The following KIAA1549L variants were observed in gnomAD, a reference collection of about 807,000 sequenced individuals.
KIAA1549L encodes the protein UPF0606 protein KIAA1549L.
In KIAA1549L, 88 loss-of-function variants were observed where a neutral mutation model predicts 160.7. That is an observed-to-expected ratio of 0.55 (90% confidence interval 0.46 to 0.65). The LOEUF (loss-of-function observed/expected upper bound fraction) is 0.65. KIAA1549L is among the 30% of genes least tolerant of loss of function. The pLI, the probability that KIAA1549L is intolerant of heterozygous loss-of-function variation, is 0.00. For missense variants in KIAA1549L, 2,258 were observed against 2,437.5 expected (o/e 0.93, Z 1.55); for synonymous variants, 950 against 976.7 (o/e 0.97, Z 0.51).
At chr11:33,513,911 T>G (rs1159804143) in intron 1 of KIAA1549L, among the ~76,000 whole-genome samples, 1 of 152,190 alleles carries the variant, frequency 6.6e-6, no homozygotes. Context: ...GACCCTCTAC[T>G]GTCTGAAAAT....
chr11:33,609,986 C>G lies in KIAA1549L; in HGVS notation c.5279+20C>G, dbSNP rs757311972. On this transcript the variant is annotated intron_variant, in intron 15 of 20. Coordinates refer to ENST00000658780, the MANE Select transcript of KIAA1549L (RefSeq NM_012194.3). ...AAACAGGTGCAGTCTCTAAGGGATT[C>G]TGTAAAGGGTGCTGTATCATTGGTG... 2 of 1,588,374 alleles carry G rather than the reference C, an allele frequency of 1.3e-6. No homozygotes were observed. The highest frequency in any genetic ancestry group is 1.7e-6 in the Non-Finnish European group (2 of 1,157,332).
chr11:33,525,723 A>G (rs1853595435), intron 1 of KIAA1549L, among the ~76,000 whole-genome samples: 1 of 151,972 alleles, frequency 6.6e-6, no homozygotes, highest in Non-Finnish European at 1.5e-5. Context: ...TGTCTGGGGC[A>G]AGATTTCAGC....
intron 6 of KIAA1549L, among the ~76,000 whole-genome samples, chr11:33,552,912 C>T (rs997832775): frequency 4.6e-5 from 7 of 152,104 alleles, no homozygotes; most frequent in South Asian, 2.1e-4. Context: ...ACCATACTCA[C>T]GTCAATGCAG....
At chr11:33,389,865 G>A (rs1382691942) in intron 1 of KIAA1549L, among the ~76,000 whole-genome samples, 1 of 152,206 alleles carries the variant, frequency 6.6e-6, no homozygotes, top group Non-Finnish European at 1.5e-5. Context: ...CATTGGTCCA[G>A]GGATTTGCAC....
chr11:33,617,204 A>G (rs1850835797), intron 15 of KIAA1549L, among the ~76,000 whole-genome samples: 1 of 151,922 alleles, frequency 6.6e-6, no homozygotes, highest in African/African-American at 2.4e-5. Flanking sequence ...CAAGTTAATC[A>G]CAGGGAGACT....
intron 6 of KIAA1549L, among the ~76,000 whole-genome samples, chr11:33,556,281 A>G (rs940888149): frequency 6.6e-6 from 1 of 152,218 alleles, no homozygotes. Context: ...TAGAATTACC[A>G]TATGGTTCAG....
chr11:33,619,646 C>T (rs1030049564), intron 16 of KIAA1549L, among the ~76,000 whole-genome samples: 2 of 152,052 alleles, frequency 1.3e-5, no homozygotes, highest in African/African-American at 4.8e-5. Context: ...TTCTAATCAC[C>T]TTCCTTATAT....
chr11:33,394,445 G>T lies in KIAA1549L; in HGVS notation c.238+17556G>T, dbSNP rs146479381. Among the ~76,000 whole-genome samples the T allele has an allele frequency of 5.3e-5, 8 of 151,680 alleles. No homozygotes were observed. The South Asian group carries it at 1.0e-3, about 20-fold the overall frequency. ...AACAAACAATAAACAATAAACACTT[G>T]TCAAACAAAATGAAACATCACTTAA... On this transcript the variant is annotated intron_variant, in intron 1 of 20. Transcript: ENST00000658780.
chr11:33,450,140 C>T (rs1395042696), intron 1 of KIAA1549L, among the ~76,000 whole-genome samples: 1 of 152,160 alleles, frequency 6.6e-6, no homozygotes, highest in Non-Finnish European at 1.5e-5. Context: ...TAGTTATAAC[C>T]TCAAATACTT....
At chr11:33,525,934 G>A (rs901307228) in intron 1 of KIAA1549L, among the ~76,000 whole-genome samples, 3 of 151,896 alleles carry the variant, frequency 2.0e-5, no homozygotes, top group Admixed American at 1.3e-4. Context: ...AGAACCACCC[G>A]CACCGCTGCC....
At position 33,496,904 on chromosome 11, in the gene KIAA1549L, A is replaced by G. The variant is rs117281423; in HGVS notation, c.239-44898A>G. Among the ~76,000 whole-genome samples the G allele has an allele frequency of 1.7e-3, 255 of 152,242 alleles. 6 individuals carry two copies. The East Asian group carries it at 0.044, about 26-fold the overall frequency. On this transcript the variant is annotated intron_variant, in intron 1 of 20. Coordinates refer to ENST00000658780, the MANE Select transcript of KIAA1549L (RefSeq NM_012194.3). ...TCCCTTTGCAAATCATGTTCCAGCCACAGTAACTTTCTTTTGGTTTCTTAA... is the reference window on the plus strand; with the variant it reads ...TCCCTTTGCAAATCATGTTCCAGCCGCAGTAACTTTCTTTTGGTTTCTTAA...
chr11:33,605,662 A>G (rs1179253488), intron 13 of KIAA1549L, among the ~76,000 whole-genome samples: 1 of 152,210 alleles, frequency 6.6e-6, no homozygotes, highest in Non-Finnish European at 1.5e-5. Flanking sequence ...TTTAAATAAC[A>G]TCCCAATCTC....
At chr11:33,607,802 C>A (rs1166503936) in intron 14 of KIAA1549L, among the ~76,000 whole-genome samples, 1 of 152,188 alleles carries the variant, frequency 6.6e-6, no homozygotes, top group Non-Finnish European at 1.5e-5. Flanking sequence ...ACAAACCCAA[C>A]TCAGGAAGCA....
Position 33,658,730 on chromosome 11 carries a change from A to G in KIAA1549L, c.5859-20A>G, listed in dbSNP as rs964148572. The G allele has an allele frequency of 6.4e-7, 1 of 1,565,742 alleles. No individual in the cohort carries two copies. The highest frequency in any genetic ancestry group is 8.7e-7 in the Non-Finnish European group (1 of 1,156,054). On this transcript the variant is annotated intron_variant, in intron 18 of 20. Coordinates refer to ENST00000658780, the MANE Select transcript of KIAA1549L (RefSeq NM_012194.3). ...CTGAGGTCTGGGACAGTGCTAACGC[A>G]GTCCCTCTGCCCCATCTAGATCCAC...
intron 1 of KIAA1549L, among the ~76,000 whole-genome samples, chr11:33,394,390 A>T (rs997329937): frequency 1.6e-4 from 15 of 91,140 alleles, no homozygotes; most frequent in African/African-American, 7.5e-4. Flanking sequence ...TAACTCATAA[A>T]TAATAAATAA....
chr11:33,666,832 G>T (rs1455552238), intron 20 of KIAA1549L, among the ~76,000 whole-genome samples: 1 of 152,204 alleles, frequency 6.6e-6, no homozygotes, highest in Non-Finnish European at 1.5e-5. Flanking sequence ...TTGGTAGCTT[G>T]TCGCCTTAGA....
chr11:33,528,631 A>G (rs762473776), intron 1 of KIAA1549L, among the ~76,000 whole-genome samples: 2 of 152,246 alleles, frequency 1.3e-5, no homozygotes, highest in Non-Finnish European at 2.9e-5. Flanking sequence ...GATATACACC[A>G]TGGAATACCA....
chr11:33,604,254 C>T (rs1473730439), intron 13 of KIAA1549L, among the ~76,000 whole-genome samples: 1 of 152,140 alleles, frequency 6.6e-6, no homozygotes, highest in Non-Finnish European at 1.5e-5. Context: ...AGGTCATAGT[C>T]AAGATGTTGG....
rs906610815 is a variant in KIAA1549L, at chr11:33,671,135, A to G, written c.*2981A>G. ...AATAGTTTTCAGTGCTGGTTTTGATATGAGTTTTCTGCATTCATGAAAAAG... is the reference window on the plus strand; with the variant it reads ...AATAGTTTTCAGTGCTGGTTTTGATGTGAGTTTTCTGCATTCATGAAAAAG... On this transcript the variant is annotated 3_prime_UTR_variant, in exon 21 of 21. Coordinates refer to ENST00000658780, the MANE Select transcript of KIAA1549L (RefSeq NM_012194.3). 1.3e-5 allele frequency: 2 copies of G among 152,242 alleles called. No homozygotes were observed. The highest frequency in any genetic ancestry group is 4.8e-5 in the African/African-American group (2 of 41,464). The allele number at this position is 152,242 out of a possible 1,614,324, so 9.4% of individuals were successfully genotyped here. A position where few individuals can be genotyped will look rare whatever the true frequency, so the allele number is the denominator to read the frequency against.
Sources: allele counts gnomAD v4.1 joint callset (sites outside exome capture counted in the v4.1 genomes callset), GRCh38; gene constraint gnomAD v4.1.1; transcripts MANE v1.5; gene names NCBI Gene and HGNC (gene_info 2026-07-23, HGNC 2026-07-21).